Variants in TMEM132E observed in about 807,000 individuals in gnomAD.
TMEM132E encodes transmembrane protein 132E.
In TMEM132E, 49 loss-of-function variants were observed where a neutral mutation model predicts 78.5. The observed-to-expected ratio is 0.62, with a 90% confidence interval of 0.50 to 0.79. The LOEUF is 0.79. Among genes scored for constraint, TMEM132E ranks in the 30% least tolerant of loss-of-function variants. The pLI, the probability that TMEM132E is intolerant of heterozygous loss-of-function variation, is 0.00. For missense variants in TMEM132E, 1,403 were observed against 1,470.9 expected, an observed-to-expected ratio of 0.95 and a Z score of 0.75; for synonymous variants, 715 against 670.6, an observed-to-expected ratio of 1.07 and a Z score of -1.02.
chr17:34,620,716 G>A (rs926186048), intron 1 of TMEM132E, among the ~76,000 whole-genome samples: 1 of 152,258 alleles, frequency 6.6e-6, no homozygotes, highest in Non-Finnish European at 1.5e-5. Context: ...GTCAGAGCTG[G>A]CCAGAGCAGA....
At position 34,632,839 on chromosome 17, in the gene TMEM132E, C is replaced by T. The variant is rs1907395657; in HGVS notation, c.1618C>T (p.His540Tyr). 1 of 1,614,234 alleles carries T rather than the reference C, an allele frequency of 6.2e-7. No individual in the cohort carries two copies. ...MTVWVPKLPLHIELSDARLSQ... is the reference protein window; with the variant it reads ...MTVWVPKLPLYIELSDARLSQ... ...AGTCTGGGTCCCCAAGCTGCCCTTGCACATTGAGCTCTCAGATGCCCGCCT... is the reference window on the plus strand; with the variant it reads ...AGTCTGGGTCCCCAAGCTGCCCTTGTACATTGAGCTCTCAGATGCCCGCCT... The change falls in exon 6 of 9, where the codon CAC becomes TAC. Residue 540 changes from histidine to tyrosine, a missense_variant. By Grantham distance (83) the His-to-Tyr change is moderately conservative (BLOSUM62 2). Transcript: ENST00000631683.
chr17:34,610,152 C>T (rs950131515), intron 1 of TMEM132E, among the ~76,000 whole-genome samples: 5 of 152,300 alleles, frequency 3.3e-5, no homozygotes, highest in Non-Finnish European at 4.4e-5. Flanking sequence ...TGCACTTCTC[C>T]GAAGCCTAGC....
rs143307253 is a variant in TMEM132E, at chr17:34,586,391, G to A, written c.67+5248G>A. On this transcript the variant is annotated intron_variant, in intron 1 of 8. Transcript: ENST00000631683. ...AGGCCTTCTTATCACCAATTCAGCTGGCTCTGCCATACTCCAGCAGTCCCC... is the reference window on the plus strand; with the variant it reads ...AGGCCTTCTTATCACCAATTCAGCTAGCTCTGCCATACTCCAGCAGTCCCC... 4.2e-3 allele frequency among the ~76,000 whole-genome samples: 638 copies of A among 152,030 alleles called. 6 individuals carry two copies. Among genetic ancestry groups the A allele is most frequent in the African/African-American group, 0.015 (614 of 41,442 alleles).
At position 34,639,146 on chromosome 17, in the gene TMEM132E, T is replaced by C. The variant is rs1907655844; in HGVS notation, c.*914T>C. 1 of 152,564 alleles carries C rather than the reference T, an allele frequency of 6.6e-6. No homozygotes were observed. Among genetic ancestry groups the C allele is most frequent in the Non-Finnish European group, 1.5e-5 (1 of 68,074 alleles). The allele number at this position is 152,564 out of a possible 1,614,324, so 9.5% of individuals were successfully genotyped here. A position where few individuals can be genotyped will look rare whatever the true frequency, so the allele number is the denominator to read the frequency against. On this transcript the variant is annotated 3_prime_UTR_variant, in exon 9 of 9. Coordinates refer to ENST00000631683, the MANE Select transcript of TMEM132E (RefSeq NM_001304438.2). ...GAGGGGAGTAGAGGGCACCAGGGAATGCTGTGAGGGACTTCAGGGTGGGCA... is the reference window on the plus strand; with the variant it reads ...GAGGGGAGTAGAGGGCACCAGGGAACGCTGTGAGGGACTTCAGGGTGGGCA...
At chr17:34,581,164 TG>T (rs767392015) in intron 1 of TMEM132E, 21 bp downstream of exon 1, 2 of 1,498,570 alleles carry the variant, frequency 1.3e-6, no homozygotes, top group East Asian at 2.8e-5. Context: ...CGGCGCGGAC[TG>T]GGGGTGAGGA....
intron 1 of TMEM132E, among the ~76,000 whole-genome samples, chr17:34,581,594 C>A (rs953025439): frequency 2.7e-5 from 4 of 150,582 alleles, no homozygotes; most frequent in Admixed American, 2.0e-4. Flanking sequence ...CCGCGCCGCC[C>A]GTCGCCTCGC....
In TMEM132E at chr17:34,610,999, T is replaced by C. The variant is rs535355713; in HGVS notation, c.68-15128T>C. 2.0e-5 allele frequency among the ~76,000 whole-genome samples: 3 copies of C among 152,362 alleles called. No individual in the cohort carries two copies. In the East Asian group the frequency reaches 5.8e-4, roughly 29 times the overall value. On this transcript the variant is annotated intron_variant, in intron 1 of 8. Coordinates refer to ENST00000631683, the MANE Select transcript of TMEM132E (RefSeq NM_001304438.2). Reference sequence around the variant, plus strand: ...AACCTAGATCAAATCCAGTGCCATATTGGGTCCAGTCGGTCTTAGCCAACT... The same window carrying C: ...AACCTAGATCAAATCCAGTGCCATACTGGGTCCAGTCGGTCTTAGCCAACT...
chr17:34,637,204 T>C lies in TMEM132E; in HGVS notation c.2197T>C (p.Tyr733His). The change falls in exon 9 of 9, where the codon TAC becomes CAC. Residue 733 changes from tyrosine (Y) to histidine (H), a missense_variant. This residue lies in a region of TMEM132E where 888 missense variants were observed against 952.8 expected (regional missense o/e 0.93). Coordinates refer to ENST00000631683, the MANE Select transcript of TMEM132E (RefSeq NM_001304438.2). The stretch of plus-strand genomic sequence containing the variant: ...AGCCCTACTGAGCCTCTGGCTCTCC[T>C]ACAGTGATGGCACCACAGCCCCACT... ...QEALLSLWLS[Y>H]SDGTTAPLSL... 1 of 1,609,748 alleles carries C rather than the reference T, an allele frequency of 6.2e-7. No homozygotes were observed. The highest frequency in any genetic ancestry group is 1.3e-5 in the African/African-American group (1 of 75,002).
At chr17:34,607,176 A>G (rs1445613271) in intron 1 of TMEM132E, among the ~76,000 whole-genome samples, 2 of 152,162 alleles carry the variant, frequency 1.3e-5, no homozygotes, top group African/African-American at 2.4e-5. Flanking sequence ...GCCTTCCCCA[A>G]ACTTTTATGC....
rs145352107 is a variant in TMEM132E at position 34,622,733 on chromosome 17, G to T, written c.68-3394G>T. 3.4e-3 allele frequency among the ~76,000 whole-genome samples: 513 copies of T among 152,322 alleles called. 12 individuals are homozygous for T. Among genetic ancestry groups the T allele is most frequent in the Admixed American group, 0.032 (491 of 15,304 alleles). ...TTCAACAAAAATATATTGAGGGCCT[G>T]CCTGCTATGTGCCAGGCCATGTTGT... On this transcript the variant is annotated intron_variant, in intron 1 of 8. Transcript: ENST00000631683.
rs138943072 is a variant in TMEM132E at position 34,601,310 on chromosome 17, TC to T, written c.67+20170del. On this transcript the variant is annotated intron_variant, in intron 1 of 8. Transcript: ENST00000631683. ...TTGTGGGGGTACTACAGTCAGCCTTTCCCAGTGAATCCCTCCCTCTCCCTGG... is the reference window on the plus strand; with the variant it reads ...TTGTGGGGGTACTACAGTCAGCCTTTCCAGTGAATCCCTCCCTCTCCCTGG... Among the ~76,000 whole-genome samples the T allele has an allele frequency of 6.5e-3, 994 of 152,296 alleles. 10 individuals carry two copies. The highest frequency in any genetic ancestry group is 0.023 in the African/African-American group (945 of 41,580).
At chr17:34,608,439 GAGAATGGA>G (rs551499085) in intron 1 of TMEM132E, among the ~76,000 whole-genome samples, 25 of 152,356 alleles carry the variant, frequency 1.6e-4, no homozygotes, top group African/African-American at 5.0e-4. Context: ...ATTCTCATGG[GAGAATGGA>G]AGGTAGAATA....
intron 1 of TMEM132E, among the ~76,000 whole-genome samples, chr17:34,591,401 C>T (rs1358300115): frequency 6.6e-6 from 1 of 151,686 alleles, no homozygotes; most frequent in Non-Finnish European, 1.5e-5. Flanking sequence ...ACTTCCTGGG[C>T]TCAAACAATC....
Position 34,581,074 on chromosome 17 carries a change from G to C in TMEM132E, c.-3G>C. 6.5e-7 allele frequency: 1 copy of C among 1,549,978 alleles called. No individual in the cohort carries two copies. Among genetic ancestry groups the C allele is most frequent in the Non-Finnish European group, 8.7e-7 (1 of 1,154,964 alleles). On this transcript the variant is annotated 5_prime_UTR_variant, in exon 1 of 9. Coordinates refer to ENST00000631683, the MANE Select transcript of TMEM132E (RefSeq NM_001304438.2). Reference sequence around the variant, plus strand: ...TCGGACCCCTCCCGCCCCCGCCTCGGCCATGGCCCCGGGGATGTCGGGCCG... The same window carrying C: ...TCGGACCCCTCCCGCCCCCGCCTCGCCCATGGCCCCGGGGATGTCGGGCCG...
At chr17:34,617,523 ATG>A (rs1906823225) in intron 1 of TMEM132E, among the ~76,000 whole-genome samples, 1 of 152,272 alleles carries the variant, frequency 6.6e-6, no homozygotes, top group African/African-American at 2.4e-5. Context: ...GAATGAATGA[ATG>A]AACGAATGAA....
At chr17:34,592,935 C>A (rs1182213920) in intron 1 of TMEM132E, among the ~76,000 whole-genome samples, 2 of 152,184 alleles carry the variant, frequency 1.3e-5, no homozygotes, top group African/African-American at 4.8e-5. Context: ...ATTTTGTTTT[C>A]TTGTCTTTGA....
intron 1 of TMEM132E, among the ~76,000 whole-genome samples, chr17:34,616,272 G>C (rs1370995850): frequency 6.6e-6 from 1 of 152,164 alleles, no homozygotes; most frequent in Non-Finnish European, 1.5e-5. Flanking sequence ...CCCCACAGCT[G>C]ACTTTTATTC....
intron 1 of TMEM132E, among the ~76,000 whole-genome samples, chr17:34,615,340 C>A (rs1158632828): frequency 6.6e-6 from 1 of 152,140 alleles, no homozygotes; most frequent in Non-Finnish European, 1.5e-5. Flanking sequence ...CTCCCCGATT[C>A]CTCTGCCTAG....
chr17:34,632,119 C>T (rs1907365650), intron 5 of TMEM132E, among the ~76,000 whole-genome samples: 1 of 152,148 alleles, frequency 6.6e-6, no homozygotes, highest in Non-Finnish European at 1.5e-5. Flanking sequence ...CCTGAGTTTT[C>T]CTCTCCCATT....
Sources: gnomAD v4.1 joint callset for allele counts (sites outside exome capture counted in the v4.1 genomes callset) on GRCh38, gnomAD v4.1.1 for gene constraint, gnomAD v4.1.1 regional missense constraint, MANE v1.5 for transcripts, NCBI Gene and HGNC (gene_info 2026-07-23, HGNC 2026-07-21) for gene names.